Variants in CAPN9 observed in about 807,000 individuals in gnomAD.
CAPN9 encodes the protein calpain 9.
In CAPN9, 81 loss-of-function variants were observed where a neutral mutation model predicts 92.8. The observed-to-expected ratio is 0.87, with a 90% confidence interval of 0.73 to 1.05. The LOEUF (loss-of-function observed/expected upper bound fraction) is 1.05, where lower values mean the gene tolerates loss of function less well. CAPN9 is among the 50% of genes least tolerant of loss of function. The pLI, the probability that CAPN9 is intolerant of heterozygous loss-of-function variation, is 0.00. For missense variants in CAPN9, 848 were observed against 866.2 expected (o/e 0.98, Z 0.26); for synonymous variants, 304 against 328.0 (o/e 0.93, Z 0.79).
intron 5 of CAPN9, among the ~76,000 whole-genome samples, chr1:230,768,934 G>A (rs1666194474): frequency 6.6e-6 from 1 of 152,220 alleles, no homozygotes; most frequent in African/African-American, 2.4e-5. Context: ...ACAAAATAGT[G>A]AACTGTTCTT....
At chr1:230,797,903 A>G (rs1161209168) in intron 18 of CAPN9, among the ~76,000 whole-genome samples, 2 of 152,176 alleles carry the variant, frequency 1.3e-5, no homozygotes, top group Non-Finnish European at 2.9e-5. Context: ...CTTTGGCTCC[A>G]GGAGCTGCTG....
intron 17 of CAPN9, among the ~76,000 whole-genome samples, chr1:230,793,688 T>C (rs1260249343): frequency 6.6e-6 from 1 of 152,210 alleles, no homozygotes; most frequent in Non-Finnish European, 1.5e-5. Flanking sequence ...TCTGGAAACA[T>C]GTCCAGGCTC....
intron 3 of CAPN9, among the ~76,000 whole-genome samples, chr1:230,762,359 G>A (rs974971814): frequency 6.6e-6 from 1 of 152,212 alleles, no homozygotes; most frequent in Non-Finnish European, 1.5e-5. Flanking sequence ...TCAGAGCACC[G>A]TAGAGTGTCT....
chr1:230,758,156 A>C (rs1665375944), intron 2 of CAPN9, among the ~76,000 whole-genome samples: 1 of 152,200 alleles, frequency 6.6e-6, no homozygotes, highest in South Asian at 2.1e-4. Context: ...TGAGGTGTTG[A>C]GTTCTCAGGC....
At chr1:230,768,033 TAAATA>T (rs1405036010) in intron 5 of CAPN9, among the ~76,000 whole-genome samples, 1 of 134,146 alleles carries the variant, frequency 7.5e-6, no homozygotes, top group Non-Finnish European at 1.7e-5. Context: ...AATAAATAAA[TAAATA>T]AATAAATAAA....
chr1:230,748,246 C>A (rs1362828407), intron 1 of CAPN9, among the ~76,000 whole-genome samples: 1 of 152,188 alleles, frequency 6.6e-6, no homozygotes, highest in Non-Finnish European at 1.5e-5. Flanking sequence ...GTGAACAGTG[C>A]CCCACCTCTG....
intron 2 of CAPN9, among the ~76,000 whole-genome samples, chr1:230,757,449 A>G (rs1323965202): frequency 1.3e-5 from 2 of 152,044 alleles, no homozygotes; most frequent in African/African-American, 2.4e-5. Flanking sequence ...ACAACCTTAT[A>G]TTTTACCTTA....
chr1:230,795,632 C>G (rs185021069), intron 18 of CAPN9: 1 of 229,260 alleles, frequency 4.4e-6, no homozygotes, highest in African/African-American at 2.3e-5. Flanking sequence ...TTCCTCCCCC[C>G]TTCCCCGCCC....
chr1:230,772,058 C>T lies in CAPN9; in HGVS notation c.834C>T (p.Asn278=), dbSNP rs1666416551. 1.2e-6 allele frequency: 2 copies of T among 1,614,124 alleles called. No homozygotes were observed. Among genetic ancestry groups the T allele is most frequent in the African/African-American group, 1.3e-5 (1 of 74,938 alleles). The change falls in exon 7 of 20, where the codon AAC becomes AAT. Residue 278 remains asparagine (N), a synonymous_variant. Transcript: ENST00000271971. ...GQRIELIRIR[N]PWGQVEWNGS... ...GAATCGAGCTCATCCGAATCCGGAA[C>T]CCTTGGGGCCAGGTTGAGTGGAACG...
At position 230,768,227 on chromosome 1, in the gene CAPN9, C is replaced by T. The variant is rs1666135824; in HGVS notation, c.705+518C>T. ...CCAGGCTGGGTGACAGATCAAGACC[C>T]TGTCTCTAATAAATAAATAACAAAT... On this transcript the variant is annotated intron_variant, in intron 5 of 19. Coordinates refer to ENST00000271971, the MANE Select transcript of CAPN9 (RefSeq NM_006615.3). 2.0e-5 allele frequency among the ~76,000 whole-genome samples: 3 copies of T among 152,022 alleles called. 1 individual carries two copies. The highest frequency in any genetic ancestry group is 4.1e-4 in the South Asian group (2 of 4,824).
At chr1:230,777,438 A>G (rs11122597) in intron 8 of CAPN9, among the ~76,000 whole-genome samples, 48,368 of 151,736 alleles carry the variant, frequency 0.32, 8,181 homozygotes, top group Non-Finnish European at 0.38. Context: ...ATTCTTCACC[A>G]GCTCTAGGAT....
chr1:230,749,705 A>C (rs1407709930), intron 1 of CAPN9, among the ~76,000 whole-genome samples: 1 of 152,160 alleles, frequency 6.6e-6, no homozygotes, highest in Non-Finnish European at 1.5e-5. Flanking sequence ...TCTCTTCCTT[A>C]AAATGGGGAC....
At chr1:230,776,405 A>G (rs1234067056) in intron 8 of CAPN9, 9 of 152,210 alleles carry the variant, frequency 5.9e-5, no homozygotes, top group African/African-American at 1.7e-4. Context: ...CCATAACAAC[A>G]TGCAACAGAT....
At chr1:230,757,011 TGGAAGGAAGGAAGGAAGGAAGGAAGGAA>T (rs1185102067) in intron 2 of CAPN9, among the ~76,000 whole-genome samples, 3 of 85,190 alleles carry the variant, frequency 3.5e-5, no homozygotes, top group African/African-American at 1.4e-4. Flanking sequence ...GGAGGGAGGA[TGGAAGGAAGGAAGGAAGGAAGGAAGGAA>T]GGAAGGAAGG....
At chr1:230,758,895 C>T (rs1243130800) in intron 2 of CAPN9, among the ~76,000 whole-genome samples, 1 of 152,188 alleles carries the variant, frequency 6.6e-6, no homozygotes, top group Non-Finnish European at 1.5e-5. Context: ...TGGAACAGCA[C>T]AGATAGCACA....
chr1:230,766,070 C>T (rs1349098351), intron 4 of CAPN9, among the ~76,000 whole-genome samples: 2 of 147,014 alleles, frequency 1.4e-5, no homozygotes, highest in Non-Finnish European at 3.0e-5. Context: ...CTTCCACTAA[C>T]CAATAGCCCC....
At chr1:230,790,242 C>T in intron 14 of CAPN9, 53 bp downstream of exon 14, 4 of 1,605,748 alleles carry the variant, frequency 2.5e-6, no homozygotes, top group Non-Finnish European at 3.4e-6. Flanking sequence ...GACAAGCGAC[C>T]ACACTGCCTG....
intron 6 of CAPN9, among the ~76,000 whole-genome samples, chr1:230,769,591 A>C (rs980430534): frequency 6.6e-6 from 1 of 152,292 alleles, no homozygotes; most frequent in South Asian, 2.1e-4. Context: ...CCAAATATAT[A>C]TACATACAAT....
chr1:230,790,456 T>A (rs537753819), intron 14 of CAPN9: 38 of 233,136 alleles, frequency 1.6e-4, no homozygotes, highest in South Asian at 6.2e-4. Context: ...ACTCTTAACA[T>A]ATGTGTATCT....
Sources: gnomAD v4.1 joint callset for allele counts (sites outside exome capture counted in the v4.1 genomes callset) on GRCh38, gnomAD v4.1.1 for gene constraint, MANE v1.5 for transcripts, NCBI Gene and HGNC (gene_info 2026-07-23, HGNC 2026-07-21) for gene names.